SPATA6: variants seen among roughly 807,000 people sequenced by gnomAD.
SPATA6 encodes spermatogenesis-associated protein 6.
SPATA6 carries 56 observed loss-of-function variants against 65.3 expected under a neutral mutation model. The observed-to-expected ratio is 0.86, with a 90% CI of 0.69 to 1.07. The LOEUF (loss-of-function observed/expected upper bound fraction) is 1.07. Among genes scored for constraint, SPATA6 ranks in the 50% least tolerant of loss-of-function variants. The pLI is 0.00. For synonymous variants in SPATA6, 199 were observed against 213.2 expected (o/e 0.93, Z 0.58); for missense variants, 590 against 594.8 (o/e 0.99, Z 0.08).
At chr1:48,266,839 C>T in the SPATA6 span, among the ~76,000 whole-genome samples, 5 of 152,184 alleles carry the variant, frequency 3.3e-5, no homozygotes, top group East Asian at 9.7e-4. Flanking sequence ...TTATGCAGCA[C>T]AGTTGTAGGA....
intron 9 of SPATA6, among the ~76,000 whole-genome samples, chr1:48,364,936 T>A (rs1465158439): frequency 1.3e-5 from 2 of 152,122 alleles, no homozygotes; most frequent in Non-Finnish European, 1.5e-5. Context: ...TTTTAGGTCT[T>A]ACATGTAAGT....
At chr1:48,344,440 T>C (rs1120985) in intron 11 of SPATA6, 48,227 of 151,998 alleles carry the variant, frequency 0.32, 9,121 homozygotes, top group Middle Eastern at 0.45. Context: ...CTGAATGAAG[T>C]TCACAGACCA....
intron 8 of SPATA6, among the ~76,000 whole-genome samples, chr1:48,395,065 A>G (rs540870142): frequency 7.2e-5 from 11 of 152,120 alleles, no homozygotes; most frequent in African/African-American, 2.6e-4. Context: ...GAAATGATTT[A>G]TAGTAGCACA....
chr1:48,354,115 C>G (rs189016724), intron 11 of SPATA6, among the ~76,000 whole-genome samples: 1 of 152,058 alleles, frequency 6.6e-6, no homozygotes, highest in East Asian at 1.9e-4. Context: ...AATATTCACT[C>G]GTCACTGGAC....
intron 5 of SPATA6, among the ~76,000 whole-genome samples, chr1:48,404,657 TA>T (rs201375735): frequency 6.6e-6 from 1 of 151,814 alleles, no homozygotes; most frequent in Non-Finnish European, 1.5e-5. Flanking sequence ...CATTAAAATT[TA>T]AAAAAAACAA....
At chr1:48,453,788 C>A (rs2251925) in intron 1 of SPATA6, among the ~76,000 whole-genome samples, 64,650 of 151,246 alleles carry the variant, frequency 0.43, 14,923 homozygotes, top group African/African-American at 0.62. Flanking sequence ...GTGCCTAGAA[C>A]AGTCCACAGA....
the SPATA6 span, among the ~76,000 whole-genome samples, chr1:48,283,691 AAAAAAAAAAG>A: frequency 7.1e-6 from 1 of 140,338 alleles, no homozygotes; most frequent in South Asian, 2.5e-4. Context: ...AAAAAAAAAA[AAAAAAAAAAG>A]AAAGAAAGAA....
intron 11 of SPATA6, among the ~76,000 whole-genome samples, chr1:48,343,547 A>G (rs1233376137): frequency 6.6e-6 from 1 of 152,122 alleles, no homozygotes; most frequent in African/African-American, 2.4e-5. Context: ...AGAGAGAGGG[A>G]AGGAAAGTAG....
chr1:48,332,963 T>A (rs1645957452), intron 11 of SPATA6, among the ~76,000 whole-genome samples: 1 of 152,154 alleles, frequency 6.6e-6, no homozygotes, highest in South Asian at 2.1e-4. Flanking sequence ...AACAACCTGC[T>A]CCAGAATAAC....
chr1:48,269,244 C>G, the SPATA6 span, among the ~76,000 whole-genome samples: 76 of 152,264 alleles, frequency 5.0e-4, 1 homozygote, highest in African/African-American at 1.7e-3. Flanking sequence ...TCTCTACTGA[C>G]TTTGAATTTT....
intron 11 of SPATA6, among the ~76,000 whole-genome samples, chr1:48,330,079 C>A (rs1485993024): frequency 6.6e-6 from 1 of 152,202 alleles, no homozygotes; most frequent in Non-Finnish European, 1.5e-5. Flanking sequence ...CATTGCTCCA[C>A]CACTGCATGC....
At chr1:48,321,752 G>A (rs547906943) in intron 11 of SPATA6, among the ~76,000 whole-genome samples, 4 of 152,184 alleles carry the variant, frequency 2.6e-5, no homozygotes, top group African/African-American at 9.6e-5. Flanking sequence ...ATTCTCAAGG[G>A]TGAATCATAT....
At chr1:48,470,327 G>A (rs1406380001) in intron 1 of SPATA6, among the ~76,000 whole-genome samples, 1 of 152,202 alleles carries the variant, frequency 6.6e-6, no homozygotes, top group Non-Finnish European at 1.5e-5. Context: ...TTGGCAGGAG[G>A]AGGAAGAAGC....
intron 3 of SPATA6, among the ~76,000 whole-genome samples, chr1:48,414,893 T>A (rs1652612573): frequency 6.6e-6 from 1 of 151,686 alleles, no homozygotes; most frequent in Admixed American, 6.6e-5. Context: ...AATTACTAAA[T>A]CATGAATTTT....
At chr1:48,438,020 G>T (rs1291398285) in intron 3 of SPATA6, among the ~76,000 whole-genome samples, 1 of 152,072 alleles carries the variant, frequency 6.6e-6, no homozygotes, top group African/African-American at 2.4e-5. Context: ...AGAAGGATGT[G>T]GGCGGGGACA....
At chr1:48,272,112 T>A in the SPATA6 span, among the ~76,000 whole-genome samples, 1 of 152,208 alleles carries the variant, frequency 6.6e-6, no homozygotes, top group Non-Finnish European at 1.5e-5. Context: ...CGTTTTGATA[T>A]ATGTATACAC....
chr1:48,427,725 T>G (rs1653973867), intron 3 of SPATA6, among the ~76,000 whole-genome samples: 1 of 152,204 alleles, frequency 6.6e-6, no homozygotes, highest in Admixed American at 6.5e-5. Flanking sequence ...ATATAACTTT[T>G]TTTTAACTTA....
chr1:48,418,492 G>A (rs754765860), intron 3 of SPATA6, among the ~76,000 whole-genome samples: 4 of 133,520 alleles, frequency 3.0e-5, no homozygotes, highest in Non-Finnish European at 6.1e-5. Context: ...AGGGTTGCTT[G>A]AGCCCCGGAG....
At chr1:48,467,334 T>G (rs1557741144) in intron 1 of SPATA6, among the ~76,000 whole-genome samples, 1 of 152,080 alleles carries the variant, frequency 6.6e-6, no homozygotes. Context: ...AGAATGAGAT[T>G]GCAACTTTCA....
Sources: gnomAD v4.1 joint callset for allele counts (sites outside exome capture counted in the v4.1 genomes callset) on GRCh38, gnomAD v4.1.1 for gene constraint, MANE v1.5 for transcripts, NCBI Gene and HGNC (gene_info 2026-07-23, HGNC 2026-07-21) for gene names.